Variants in CIMIP1 observed in about 807,000 individuals in gnomAD.
CIMIP1 encodes the protein low in lung cancer 1.
chr20:58,153,255 ATCTGG>A, the CIMIP1 span, among the ~76,000 whole-genome samples: 1 of 152,158 alleles, frequency 6.6e-6, no homozygotes, highest in Non-Finnish European at 1.5e-5. Context: ...AAAATAAGAG[ATCTGG>A]TACCTAGAAG....
At chr20:58,151,732 G>A in the CIMIP1 span, among the ~76,000 whole-genome samples, 1 of 151,992 alleles carries the variant, frequency 6.6e-6, no homozygotes, top group African/African-American at 2.4e-5. Context: ...TTTAAAAAAA[G>A]AAAGCAAAAA....
the CIMIP1 span, chr20:58,151,078 GAA>G: frequency 6.5e-7 from 1 of 1,528,088 alleles, no homozygotes; most frequent in Non-Finnish European, 8.9e-7. Context: ...GTTCTCACCT[GAA>G]GTGTCCACAT....
chr20:58,152,188 A>C, the CIMIP1 span, among the ~76,000 whole-genome samples: 1 of 152,190 alleles, frequency 6.6e-6, no homozygotes, highest in Non-Finnish European at 1.5e-5. Flanking sequence ...TTTTTACTAA[A>C]TCTTTATCCA....
At chr20:58,152,135 T>C in the CIMIP1 span, among the ~76,000 whole-genome samples, 52 of 152,336 alleles carry the variant, frequency 3.4e-4, no homozygotes, top group Non-Finnish European at 6.3e-4. Context: ...ATCACTCTCA[T>C]AAATAGAAAA....
chr20:58,151,329 ACATGTT>A, the CIMIP1 span, among the ~76,000 whole-genome samples: 2 of 151,810 alleles, frequency 1.3e-5, no homozygotes, highest in East Asian at 1.9e-4. Flanking sequence ...AATCCAACTA[ACATGTT>A]CATGTTTTTT....
At chr20:58,153,410 G>A in the CIMIP1 span, 5 of 663,648 alleles carry the variant, frequency 7.5e-6, no homozygotes, top group South Asian at 1.9e-5. Flanking sequence ...AGGTTCTCAC[G>A]CTGTCTGGCT....
the CIMIP1 span, chr20:58,155,588 TA>T: frequency 1.3e-6 from 2 of 1,584,824 alleles, no homozygotes; most frequent in East Asian, 4.5e-5. Flanking sequence ...CGTTTTTAAA[TA>T]CTCATTTTTT....
At chr20:58,154,411 G>C in the CIMIP1 span, among the ~76,000 whole-genome samples, 3 of 152,236 alleles carry the variant, frequency 2.0e-5, no homozygotes, top group African/African-American at 7.2e-5. Context: ...TGTGGGTTCT[G>C]GTGGGGTGGT....
chr20:58,155,140 G>A, the CIMIP1 span, among the ~76,000 whole-genome samples: 1 of 152,330 alleles, frequency 6.6e-6, no homozygotes, highest in East Asian at 1.9e-4. Context: ...TCCGTAACTG[G>A]TAACGTTTTC....
At chr20:58,151,084 T>A in the CIMIP1 span, 1 of 1,504,690 alleles carries the variant, frequency 6.6e-7, no homozygotes, top group Non-Finnish European at 9.1e-7. Flanking sequence ...ACCTGAAGTG[T>A]CCACATCTGG....
the CIMIP1 span, among the ~76,000 whole-genome samples, chr20:58,151,831 C>T: frequency 1.3e-5 from 2 of 152,108 alleles, no homozygotes; most frequent in Middle Eastern, 3.4e-3. Flanking sequence ...TTTAAAGATA[C>T]ATCCATTTTC....
At chr20:58,152,196 C>T in the CIMIP1 span, among the ~76,000 whole-genome samples, 1 of 152,214 alleles carries the variant, frequency 6.6e-6, no homozygotes, top group East Asian at 1.9e-4. Flanking sequence ...AAATCTTTAT[C>T]CAAGTGTCCC....
chr20:58,156,955 G>A, the CIMIP1 span, among the ~76,000 whole-genome samples: 1 of 152,106 alleles, frequency 6.6e-6, no homozygotes, highest in Admixed American at 6.5e-5. Context: ...CATTTGGGGG[G>A]TATGCATCTG....
chr20:58,155,936 C>A, the CIMIP1 span, among the ~76,000 whole-genome samples: 1 of 152,198 alleles, frequency 6.6e-6, no homozygotes, highest in African/African-American at 2.4e-5. Flanking sequence ...ATAGGCTGCT[C>A]ACCTTCTGTG....
the CIMIP1 span, among the ~76,000 whole-genome samples, chr20:58,152,917 T>G: frequency 6.6e-6 from 1 of 151,896 alleles, no homozygotes; most frequent in African/African-American, 2.4e-5. Flanking sequence ...AACTGTGGGG[T>G]AGGGATATGC....
the CIMIP1 span, chr20:58,155,489 C>A: frequency 3.1e-6 from 5 of 1,614,000 alleles, no homozygotes; most frequent in Non-Finnish European, 4.2e-6. Flanking sequence ...TGAAGAAGAT[C>A]TCCCCACCCC....
chr20:58,159,183 C>CTTT, the CIMIP1 span, among the ~76,000 whole-genome samples: 32,724 of 103,496 alleles, frequency 0.32, 5,106 homozygotes, highest in Non-Finnish European at 0.38. Flanking sequence ...GCACTTTCTT[C>CTTT]TTTTTTTTTT....
chr20:58,159,523 A>G, the CIMIP1 span, among the ~76,000 whole-genome samples: 2 of 280 alleles, frequency 7.1e-3, no homozygotes, highest in Non-Finnish European at 0.1. Context: ...TAAAAAAAGG[A>G]AAAAAAAAAA....
At chr20:58,152,404 G>A in the CIMIP1 span, among the ~76,000 whole-genome samples, 5 of 149,932 alleles carry the variant, frequency 3.3e-5, no homozygotes, top group Non-Finnish European at 5.9e-5. Flanking sequence ...TGTAAACTGC[G>A]TGACAAATTA....
Sources: allele counts gnomAD v4.1 joint callset (sites outside exome capture counted in the v4.1 genomes callset), GRCh38; gene constraint gnomAD v4.1.1; transcripts MANE v1.5; gene names NCBI Gene and HGNC (gene_info 2026-07-23, HGNC 2026-07-21).